ATP9A: variants seen among roughly 807,000 people sequenced by gnomAD.
The protein encoded by ATP9A is ATPase phospholipid transporting 9A, also known as probable phospholipid-transporting ATPase IIA.
In ATP9A, 52 loss-of-function variants were observed where a neutral mutation model predicts 144.1. That is an observed-to-expected ratio of 0.36 (90% CI 0.29 to 0.45). The LOEUF (loss-of-function observed/expected upper bound fraction) is 0.45. Ranked by LOEUF, ATP9A falls within the 20% of genes least tolerant of loss-of-function variation. The probability of loss-of-function intolerance (pLI) is 1.00; values close to 1 mark genes in which losing one functional copy is unlikely to be tolerated. For synonymous variants in ATP9A, 582 were observed against 557.4 expected (o/e 1.04, Z -0.62); for missense variants, 947 against 1,392.7 (o/e 0.68, Z 5.09).
chr20:51,683,505 A>C (rs551348759), intron 9 of ATP9A, among the ~76,000 whole-genome samples: 34 of 151,948 alleles, frequency 2.2e-4, no homozygotes, highest in African/African-American at 8.2e-4. Flanking sequence ...GATGGTCTCG[A>C]TCTCCTGACA....
At chr20:51,626,080 G>GACA (rs1201312736) in intron 17 of ATP9A, among the ~76,000 whole-genome samples, 1 of 152,212 alleles carries the variant, frequency 6.6e-6, no homozygotes, top group African/African-American at 2.4e-5. Context: ...AGGCACCAGA[G>GACA]ACACGGCAGT....
intron 4 of ATP9A, among the ~76,000 whole-genome samples, chr20:51,705,593 C>T (rs1401173565): frequency 6.6e-6 from 1 of 152,174 alleles, no homozygotes; most frequent in Non-Finnish European, 1.5e-5. Flanking sequence ...GCACTTCTTT[C>T]AAGGCTAATT....
At chr20:51,705,780 GA>G (rs962668700) in intron 4 of ATP9A, among the ~76,000 whole-genome samples, 2 of 152,166 alleles carry the variant, frequency 1.3e-5, no homozygotes, top group African/African-American at 4.8e-5. Context: ...CAAGTATAAA[GA>G]GAAATAATTC....
chr20:51,626,572 G>C (rs1173870852), intron 17 of ATP9A, among the ~76,000 whole-genome samples: 1 of 151,870 alleles, frequency 6.6e-6, no homozygotes, highest in Non-Finnish European at 1.5e-5. Flanking sequence ...GCTACAAGGA[G>C]GTTGAGGCAG....
chr20:51,719,491 T>C (rs1382771339), intron 3 of ATP9A, among the ~76,000 whole-genome samples: 3 of 151,698 alleles, frequency 2.0e-5, no homozygotes, highest in African/African-American at 7.3e-5. Flanking sequence ...TCCCAGCACT[T>C]TGGGAGGCCA....
chr20:51,620,368 A>G (rs1289877616), intron 19 of ATP9A, among the ~76,000 whole-genome samples: 1 of 152,252 alleles, frequency 6.6e-6, no homozygotes, highest in Non-Finnish European at 1.5e-5. Flanking sequence ...TATGTTTTCT[A>G]AAGTCACTGT....
At chr20:51,663,820 A>C (rs1419979740) in intron 13 of ATP9A, among the ~76,000 whole-genome samples, 1 of 150,252 alleles carries the variant, frequency 6.7e-6, no homozygotes. Flanking sequence ...AAACAAGAGA[A>C]CATAAACTGA....
At chr20:51,654,334 G>C (rs552484862) in intron 14 of ATP9A, among the ~76,000 whole-genome samples, 2 of 152,056 alleles carry the variant, frequency 1.3e-5, no homozygotes, top group African/African-American at 4.8e-5. Flanking sequence ...ACACTCAAGC[G>C]TTCTTCCATT....
rs1190291651 is a variant in ATP9A at position 51,598,298 on chromosome 20, G to C, written c.*2913C>G. 2.0e-5 allele frequency: 3 copies of C among 152,140 alleles called. No individual in the cohort carries two copies. The highest frequency in any genetic ancestry group is 7.2e-5 in the African/African-American group (3 of 41,408). The allele number at this position is 152,140 out of a possible 1,614,324, so 9.4% of individuals were successfully genotyped here. A position where few individuals can be genotyped will look rare whatever the true frequency, so the allele number is the denominator to read the frequency against. ...TATGAACAATAATAAAATAGTAATAGAAGTTCTTACTCTGGCAGAAATAGC... is the reference window on the plus strand; with the variant it reads ...TATGAACAATAATAAAATAGTAATACAAGTTCTTACTCTGGCAGAAATAGC... On this transcript the variant is annotated 3_prime_UTR_variant, in exon 28 of 28. Coordinates refer to ENST00000338821, the MANE Select transcript of ATP9A (RefSeq NM_006045.3).
intron 15 of ATP9A, among the ~76,000 whole-genome samples, chr20:51,635,343 C>A (rs923519173): frequency 1.3e-5 from 2 of 152,168 alleles, no homozygotes; most frequent in South Asian, 4.1e-4. Context: ...GAATCTTAGA[C>A]CCCTTGAGCC....
intron 1 of ATP9A, among the ~76,000 whole-genome samples, chr20:51,733,608 C>T (rs897709273): frequency 6.6e-6 from 1 of 151,842 alleles, no homozygotes; most frequent in Non-Finnish European, 1.5e-5. Flanking sequence ...CTCCTGACCT[C>T]GTGATCCGCC....
chr20:51,694,856 GGTTT>G (rs540721277), intron 6 of ATP9A, among the ~76,000 whole-genome samples: 268 of 152,156 alleles, frequency 1.8e-3, no homozygotes, highest in African/African-American at 3.9e-3. Flanking sequence ...TCATAATTTT[GGTTT>G]GTTTGTTTGT....
At chr20:51,742,417 C>T (rs1251609415) in intron 1 of ATP9A, among the ~76,000 whole-genome samples, 2 of 151,944 alleles carry the variant, frequency 1.3e-5, no homozygotes, top group Non-Finnish European at 1.5e-5. Context: ...AAAACCAGCA[C>T]AATGAAAAGC....
chr20:51,689,289 G>A (rs547753190), intron 8 of ATP9A, 150 bp from the exon 9 acceptor site: 1 of 668,228 alleles, frequency 1.5e-6, no homozygotes, highest in South Asian at 1.9e-5. Flanking sequence ...TCCACCATGA[G>A]GGGAGGGCCA....
At chr20:51,638,111 A>ATATATATATATATG (rs2077302391) in intron 15 of ATP9A, among the ~76,000 whole-genome samples, 1 of 85,338 alleles carries the variant, frequency 1.2e-5, no homozygotes, top group African/African-American at 5.1e-5. Context: ...ATATATATAT[A>ATATATATATATATG]TATATATATA....
chr20:51,620,192 G>A (rs2077220985), intron 19 of ATP9A, among the ~76,000 whole-genome samples: 1 of 152,128 alleles, frequency 6.6e-6, no homozygotes, highest in South Asian at 2.1e-4. Context: ...CTCTGCCGTT[G>A]TAATCCAAAA....
At chr20:51,750,423 G>A (rs1307894428) in intron 1 of ATP9A, among the ~76,000 whole-genome samples, 4 of 152,096 alleles carry the variant, frequency 2.6e-5, no homozygotes, top group African/African-American at 9.7e-5. Context: ...TCGGTCATAG[G>A]TTCTAACACA....
chr20:51,747,953 G>C (rs1361571564), intron 1 of ATP9A, among the ~76,000 whole-genome samples: 1 of 152,108 alleles, frequency 6.6e-6, no homozygotes, highest in East Asian at 1.9e-4. Flanking sequence ...TACCCAACAT[G>C]TCTGTAAGAC....
At chr20:51,765,514 C>T (rs894666803) in intron 1 of ATP9A, among the ~76,000 whole-genome samples, 1 of 150,624 alleles carries the variant, frequency 6.6e-6, no homozygotes, top group Non-Finnish European at 1.5e-5. Context: ...ATTTGCCGGG[C>T]ATGGTGCATG....
Sources: allele counts gnomAD v4.1 joint callset (sites outside exome capture counted in the v4.1 genomes callset), GRCh38; gene constraint gnomAD v4.1.1; transcripts MANE v1.5; gene names NCBI Gene and HGNC (gene_info 2026-07-23, HGNC 2026-07-21).